LARP4: variants seen among roughly 807,000 people sequenced by gnomAD.
LARP4 encodes the protein la-related protein 4.
LARP4 carries 29 observed loss-of-function variants against 92.9 expected under a neutral mutation model. The observed-to-expected ratio is 0.31, with a 90% CI of 0.23 to 0.43. The LOEUF (loss-of-function observed/expected upper bound fraction) is 0.43. Ranked by LOEUF, LARP4 falls within the 20% of genes least tolerant of loss-of-function variation. The probability of loss-of-function intolerance (pLI) is 1.00; values close to 1 mark genes in which losing one functional copy is unlikely to be tolerated. For synonymous variants in LARP4, 279 were observed against 284.1 expected (o/e 0.98, Z 0.18); for missense variants, 732 against 860.0 (o/e 0.85, Z 1.86).
chr12:50,457,854 T>C (rs1361767075), intron 10 of LARP4, among the ~76,000 whole-genome samples: 3 of 151,900 alleles, frequency 2.0e-5, no homozygotes, highest in Non-Finnish European at 4.4e-5. Context: ...ACATACTATT[T>C]TCATTGCTAT....
At chr12:50,419,984 T>C (rs1302619966) in intron 1 of LARP4, among the ~76,000 whole-genome samples, 1 of 152,174 alleles carries the variant, frequency 6.6e-6, no homozygotes, top group East Asian at 1.9e-4. Context: ...TAGAAAATTA[T>C]GAAGGATGTA....
intron 10 of LARP4, among the ~76,000 whole-genome samples, chr12:50,460,522 C>T (rs1033295799): frequency 6.6e-6 from 1 of 152,132 alleles, no homozygotes; most frequent in Non-Finnish European, 1.5e-5. Context: ...TGGGGTCTTG[C>T]TGTGTTGCCC....
chr12:50,435,783 G>A (rs551971006), intron 5 of LARP4, among the ~76,000 whole-genome samples, 159 bp downstream of exon 5: 1 of 150,636 alleles, frequency 6.6e-6, no homozygotes, highest in Non-Finnish European at 1.5e-5. Flanking sequence ...TTTTTCGGGG[G>A]TTGTGGTGAA....
At chr12:50,467,599 A>T (rs1956317290) in intron 13 of LARP4, among the ~76,000 whole-genome samples, 1 of 152,090 alleles carries the variant, frequency 6.6e-6, no homozygotes, top group African/African-American at 2.4e-5. Flanking sequence ...CACCACGCCC[A>T]GCCTTGCATG....
intron 13 of LARP4, among the ~76,000 whole-genome samples, chr12:50,471,666 G>A (rs943746475): frequency 3.3e-5 from 5 of 152,182 alleles, no homozygotes; most frequent in East Asian, 1.9e-4. Context: ...GAATACAGGC[G>A]CGCGCCACCA....
intron 1 of LARP4, among the ~76,000 whole-genome samples, chr12:50,418,567 G>A (rs921259031): frequency 3.3e-5 from 5 of 152,098 alleles, no homozygotes; most frequent in African/African-American, 1.2e-4. Flanking sequence ...CTGTAGGCAT[G>A]TGCCAACACG....
chr12:50,474,282 C>A, intron 15 of LARP4, 115 bp downstream of exon 15: 2 of 746,542 alleles, frequency 2.7e-6, no homozygotes, highest in Non-Finnish European at 4.4e-6. Flanking sequence ...CAAGTTGGGG[C>A]TGACTATCAG....
rs1329852051 is a variant in LARP4 at position 50,474,035 on chromosome 12, C to G, written c.1704C>G (p.Ser568=). The change falls in exon 15 of 16, where the codon TCC becomes TCG. Residue 568 remains serine, a synonymous_variant. Coordinates refer to ENST00000398473, the MANE Select transcript of LARP4 (RefSeq NM_052879.5). ...TQQEKDLIED[S]SVQKDGLNQT... is the part of the protein sequence containing the mutation. ...AAGAAAAGGATCTAATAGAAGATTCCTCTGTTCAGAAGGATGGTCTCAATC... is the reference window on the plus strand; with the variant it reads ...AAGAAAAGGATCTAATAGAAGATTCGTCTGTTCAGAAGGATGGTCTCAATC... The G allele has an allele frequency of 6.2e-7, 1 of 1,612,068 alleles. No individual in the cohort carries two copies. Among genetic ancestry groups the G allele is most frequent in the Non-Finnish European group, 8.5e-7 (1 of 1,179,910 alleles).
intron 9 of LARP4, 111 bp from the exon 10 acceptor site, chr12:50,454,203 A>G: frequency 1.5e-6 from 1 of 663,756 alleles, no homozygotes; most frequent in East Asian, 2.8e-5. Context: ...ATATTTTAAG[A>G]TATTTTTGGC....
At position 50,404,619 on chromosome 12, in the gene LARP4, A is replaced by G. The variant is rs530981453; in HGVS notation, c.18+3591A>G. Among the ~76,000 whole-genome samples, 10 of 151,062 alleles carry G rather than the reference A, an allele frequency of 6.6e-5. No individual in the cohort carries two copies. In the East Asian group the frequency reaches 9.8e-4, roughly 15 times the overall value. ...TCTTGAGACCGAGTCTCGCTCTGAG[A>G]CCGAGGCTAGAGGGTGGCGCAGTCT... On this transcript the variant is annotated intron_variant, in intron 1 of 15. Coordinates refer to ENST00000398473, the MANE Select transcript of LARP4 (RefSeq NM_052879.5).
chr12:50,435,295 T>C (rs370217752), intron 4 of LARP4, among the ~76,000 whole-genome samples, 193 bp from the exon 5 acceptor site: 2 of 152,256 alleles, frequency 1.3e-5, no homozygotes, highest in East Asian at 1.9e-4. Context: ...CTAATGTTTA[T>C]GTATATATTA....
chr12:50,430,985 G>C (rs1478960389), intron 4 of LARP4, among the ~76,000 whole-genome samples: 1 of 152,124 alleles, frequency 6.6e-6, no homozygotes, highest in Admixed American at 6.6e-5. Context: ...TAAAAGTGTA[G>C]GGTCGGGCGC....
At chr12:50,419,373 T>C (rs1217944828) in intron 1 of LARP4, among the ~76,000 whole-genome samples, 1 of 151,028 alleles carries the variant, frequency 6.6e-6, no homozygotes, top group Admixed American at 6.6e-5. Context: ...TCAAAACAGG[T>C]AGGGAAAAAA....
At chr12:50,459,685 G>A (rs1370578845) in intron 10 of LARP4, among the ~76,000 whole-genome samples, 1 of 151,954 alleles carries the variant, frequency 6.6e-6, no homozygotes. Context: ...TTATCTAGGT[G>A]TGGTGGCACG....
At chr12:50,434,702 C>T (rs1950168475) in intron 4 of LARP4, among the ~76,000 whole-genome samples, 2 of 151,872 alleles carry the variant, frequency 1.3e-5, no homozygotes, top group Non-Finnish European at 2.9e-5. Flanking sequence ...CCACCGCACC[C>T]AGCCAATGTG....
intron 14 of LARP4, 133 bp from the exon 15 acceptor site, chr12:50,473,866 T>C (rs1957238929): frequency 5.0e-6 from 3 of 605,042 alleles, no homozygotes; most frequent in Non-Finnish European, 5.7e-6. Flanking sequence ...GCCAAGAGCA[T>C]GCCACTACAC....
chr12:50,433,529 C>G (rs1022470284), intron 4 of LARP4, among the ~76,000 whole-genome samples: 1 of 152,026 alleles, frequency 6.6e-6, no homozygotes, highest in Non-Finnish European at 1.5e-5. Context: ...AGAGTTGAAT[C>G]ACTGTTTAAG....
intron 4 of LARP4, among the ~76,000 whole-genome samples, chr12:50,431,635 A>G (rs1165646275): frequency 6.6e-6 from 1 of 152,104 alleles, no homozygotes; most frequent in Non-Finnish European, 1.5e-5. Context: ...TCATGAGGTC[A>G]GGGGTTCAAG....
At position 50,454,370 on chromosome 12, in the gene LARP4, A is replaced by G. The variant is rs1309088864; in HGVS notation, c.1074A>G (p.Lys358=). The G allele has an allele frequency of 1.9e-5, 31 of 1,613,662 alleles. No individual in the cohort carries two copies. Among genetic ancestry groups the G allele is most frequent in the Non-Finnish European group, 2.3e-5 (27 of 1,179,934 alleles). The change falls in exon 10 of 16, where the codon AAA becomes AAG. Residue 358 remains lysine, a synonymous_variant. Transcript: ENST00000398473. ...GCTTTAATTCGCCAGGATCTTATAA[A>G]ACAAATGCTGCTGCTATGAATATGG... ...VNGFNSPGSY[K]TNAAAMNMGR...
Sources: allele counts gnomAD v4.1 joint callset (sites outside exome capture counted in the v4.1 genomes callset), GRCh38; gene constraint gnomAD v4.1.1; transcripts MANE v1.5; gene names NCBI Gene and HGNC (gene_info 2026-07-23, HGNC 2026-07-21).